MED23: variants seen among roughly 807,000 people sequenced by gnomAD.
The protein encoded by MED23 is mediator of RNA polymerase II transcription subunit 23.
A neutral mutation model predicts 163.9 loss-of-function variants in MED23; 105 were observed. That is an observed-to-expected ratio of 0.64 (90% confidence interval 0.55 to 0.75). MED23 has a LOEUF of 0.75. Ranked by LOEUF, MED23 falls within the 30% of genes least tolerant of loss-of-function variation. The pLI, the probability that MED23 is intolerant of heterozygous loss-of-function variation, is 0.00. For synonymous variants in MED23, 561 were observed against 565.6 expected (o/e 0.99, Z 0.12); for missense variants, 1,054 against 1,649.0 (o/e 0.64, Z 6.25).
downstream of MED23, chr6:131,582,471 C>T (rs959068054): frequency 2.3e-5 from 16 of 686,304 alleles, 1 homozygote; most frequent in Middle Eastern, 8.4e-4. Flanking sequence ...CACACATCCT[C>T]TTCTTAATTG....
chr6:131,615,217 G>A (rs1170452286), intron 10 of MED23: 7 of 1,315,662 alleles, frequency 5.3e-6, no homozygotes, highest in Non-Finnish European at 7.6e-6. Context: ...GCATGGTCCT[G>A]CCAATTTCAA....
rs146621050 is a variant in MED23 at position 131,580,415 on chromosome 6, C to A, written c.4096-6120G>T. The stretch of plus-strand genomic sequence containing the variant: ...TGCTTCCACTTCGAGAATCTAAAAG[C>A]TCATGATTCTCTGAATGATACTTAA... On this transcript the variant is annotated intron_variant, in intron 30 of 30. Transcript: ENST00000354577. Among the ~76,000 whole-genome samples the A allele has an allele frequency of 1.2e-4, 19 of 152,306 alleles. 1 individual carries two copies. In the East Asian group the frequency reaches 3.5e-3, roughly 28 times the overall value.
downstream of MED23, chr6:131,584,017 G>GT (rs1490701827): frequency 4.6e-6 from 6 of 1,315,134 alleles, no homozygotes; most frequent in East Asian, 1.2e-4. Context: ...TCAGAAAAAT[G>GT]TTTTTCCAAT....
Position 131,618,430 on chromosome 6 carries a change from TC to T in MED23, c.756del (p.Gly254AlafsTer17). The T allele has an allele frequency of 6.2e-7, 1 of 1,613,804 alleles. No homozygotes were observed. Among genetic ancestry groups the T allele is most frequent in the Non-Finnish European group, 8.5e-7 (1 of 1,179,776 alleles). On this transcript the variant is annotated frameshift_variant, in exon 9 of 29. Coordinates refer to ENST00000368068, the MANE Select transcript of MED23 (RefSeq NM_004830.4). LOFTEE classifies it high-confidence loss of function. ...ACCTTATCATATGGCAAAAGGCCTT[TC>T]AAAGGAAAACGAAGAGTAGCAGGAT... is the stretch of plus-strand genomic sequence containing the variant. ...KLDPATLRFP[L>X]KGLLPYDKDL...
intron 10 of MED23, among the ~76,000 whole-genome samples, chr6:131,613,346 T>A (rs902169276): frequency 5.3e-5 from 8 of 152,216 alleles, no homozygotes; most frequent in Non-Finnish European, 1.0e-4. Context: ...GGGCTATTTA[T>A]GACTTGCTGA....
chr6:131,608,666 A>G (rs1186336268), intron 11 of MED23, among the ~76,000 whole-genome samples: 3 of 152,084 alleles, frequency 2.0e-5, no homozygotes, highest in African/African-American at 7.2e-5. Context: ...TCGGCCTCCC[A>G]AAGTGCTGGG....
intron 11 of MED23, 48 bp downstream of exon 11, chr6:131,609,998 C>T (rs971031100): frequency 1.2e-5 from 19 of 1,550,896 alleles, no homozygotes; most frequent in Admixed American, 1.7e-5. Flanking sequence ...GTCTAAAATA[C>T]AGTAATCAAC....
chr6:131,576,652 T>C lies in MED23; in HGVS notation c.4096-2357A>G, dbSNP rs1253414144. 14 of 1,612,812 alleles carry C rather than the reference T, an allele frequency of 8.7e-6. No individual in the cohort carries two copies. The highest frequency in any genetic ancestry group is 1.2e-5 in the Non-Finnish European group (14 of 1,178,784). ...ATAATGTCTGAAGTACTTTATTTTT[T>C]AATTGTTCAGCCACGAGGAGGGGTG... On this transcript the variant is annotated intron_variant, in intron 30 of 30. Transcript: ENST00000354577.
Position 131,590,420 on chromosome 6 carries a change from G to C in MED23, c.3709C>G (p.Pro1237Ala). The part of the protein sequence containing the change: ...IPKFLTEVLL[P>A]IVKTEFQLLY... Reference sequence around the variant, plus strand: ...AACTGGAATTCGGTCTTCACTATAGGAAGAAGTACTTCAGTAAGAAACCTA... The same window carrying C: ...AACTGGAATTCGGTCTTCACTATAGCAAGAAGTACTTCAGTAAGAAACCTA... The change falls in exon 27 of 29, where the codon CCT (proline) becomes GCT (alanine). Residue 1237 changes from proline (P) to alanine (A), a missense_variant. Coordinates refer to ENST00000368068, the MANE Select transcript of MED23 (RefSeq NM_004830.4). The C allele has an allele frequency of 6.2e-7, 1 of 1,605,788 alleles. No homozygotes were observed. The highest frequency in any genetic ancestry group is 1.3e-5 in the African/African-American group (1 of 74,820).
chr6:131,593,929 G>A (rs1488181698), intron 23 of MED23, among the ~76,000 whole-genome samples, 170 bp downstream of exon 23: 1 of 152,042 alleles, frequency 6.6e-6, no homozygotes, highest in Non-Finnish European at 1.5e-5. Flanking sequence ...TAATTGGCAT[G>A]ATGCTGTTAA....
At chr6:131,599,981 T>C in intron 18 of MED23, 57 bp downstream of exon 18, 1 of 1,592,740 alleles carries the variant, frequency 6.3e-7, no homozygotes, top group Non-Finnish European at 8.6e-7. Flanking sequence ...AGAACACCAT[T>C]GTGAATGGGA....
chr6:131,615,210 TG>T, intron 10 of MED23: 1 of 1,201,682 alleles, frequency 8.3e-7, no homozygotes, highest in Non-Finnish European at 1.2e-6. Context: ...GGTCTCAGCA[TG>T]GTCCTGCCAA....
intron 9 of MED23, among the ~76,000 whole-genome samples, chr6:131,617,349 G>A (rs1432784139): frequency 9.4e-5 from 14 of 149,648 alleles, no homozygotes; most frequent in East Asian, 1.9e-4. Flanking sequence ...GTGGATGGAC[G>A]GATAGATAGA....
chr6:131,578,411 T>C (rs1773737063), intron 30 of MED23, among the ~76,000 whole-genome samples: 1 of 152,136 alleles, frequency 6.6e-6, no homozygotes, highest in African/African-American at 2.4e-5. Context: ...CATGACACTC[T>C]CTACTTTTCA....
At position 131,594,162 on chromosome 6, in the gene MED23, C is replaced by T; in HGVS notation, c.3169G>A (p.Glu1057Lys). 2 of 1,614,152 alleles carry T rather than the reference C, an allele frequency of 1.2e-6. No homozygotes were observed. Among genetic ancestry groups the T allele is most frequent in the Non-Finnish European group, 1.7e-6 (2 of 1,180,028 alleles). The change falls in exon 23 of 29, where the codon GAG becomes AAG. Residue 1057 changes from glutamate to lysine, a missense_variant. Around this residue, in one of 11 missense-constraint regions of MED23, gnomAD observed 362 missense variants for 471.6 expected, o/e 0.77. Coordinates refer to ENST00000368068, the MANE Select transcript of MED23 (RefSeq NM_004830.4). ...TCATCTGGAACCCAAGGATTTTCCT[C>T]TCGTGCATTCATAGCGCATTTCAGG... Reference protein sequence around the residue: ...TYLKCAMNAREENPWVPDDTY... With the variant: ...TYLKCAMNARKENPWVPDDTY...
In MED23 at chr6:131,616,124, T is replaced by C. The variant is rs1003869927; in HGVS notation, c.781-122A>G. 33 of 770,250 alleles carry C rather than the reference T, an allele frequency of 4.3e-5. 1 individual carries two copies. In the East Asian group the frequency reaches 7.9e-4, roughly 18 times the overall value. 47.7% of individuals were successfully genotyped at this position (770,250 alleles called of 1,614,324 possible). On this transcript the variant is annotated intron_variant, in intron 9 of 28. Coordinates refer to ENST00000368068, the MANE Select transcript of MED23 (RefSeq NM_004830.4). ...TTACCTTCACAGAGTAGGCAGTATC[T>C]AGTGGGAAAAAAATCATAGGATTTT...
At chr6:131,616,645 C>CCCAT (rs1272881875) in intron 9 of MED23, among the ~76,000 whole-genome samples, 1 of 152,036 alleles carries the variant, frequency 6.6e-6, no homozygotes, top group Non-Finnish European at 1.5e-5. Context: ...ATGGCAAAAC[C>CCCAT]CCATCTCTAC....
At chr6:131,581,391 T>C in intron 30 of MED23, 1 of 1,609,660 alleles carries the variant, frequency 6.2e-7, no homozygotes, top group Non-Finnish European at 8.5e-7. Context: ...AAAAGACTGG[T>C]TGGTACTCTA....
rs749242931 is a variant in MED23, at chr6:131,606,517, T to C, written c.1329A>G (p.Leu443=). The C allele has an allele frequency of 1.9e-5, 31 of 1,613,530 alleles. No homozygotes were observed. The highest frequency in any genetic ancestry group is 2.6e-5 in the Non-Finnish European group (31 of 1,179,696). The change falls in exon 13 of 29, where the codon CTA becomes CTG. Residue 443 remains leucine, a synonymous_variant. Transcript: ENST00000368068. The part of the protein sequence containing the change: ...NRKAQNDNSK[L]QIPIPHSLRL... The stretch of plus-strand genomic sequence containing the variant: ...TTAGGGAATGAGGTATTGGAATCTG[T>C]AGCTTGGAGTTGTCATTTTGAGCTT...
Sources: allele counts gnomAD v4.1 joint callset (sites outside exome capture counted in the v4.1 genomes callset), GRCh38; gene constraint gnomAD v4.1.1; regional missense constraint gnomAD v4.1.1; transcripts MANE v1.5; gene names NCBI Gene and HGNC (gene_info 2026-07-23, HGNC 2026-07-21).